Variants in TTC23 observed in about 807,000 individuals in gnomAD.
The protein encoded by TTC23 is tetratricopeptide repeat domain 23, also known as tetratricopeptide repeat protein 23.
TTC23 carries 58 observed loss-of-function variants against 55.1 expected under a neutral mutation model. That is an observed-to-expected ratio of 1.05 (90% CI 0.85 to 1.31). The LOEUF (loss-of-function observed/expected upper bound fraction) is 1.31, where lower values mean the gene tolerates loss of function less well. Among genes scored for constraint, TTC23 ranks in the 50% most tolerant of loss-of-function variants. The pLI is 0.00. For synonymous variants in TTC23, 203 were observed against 199.9 expected, an observed-to-expected ratio of 1.02 and a Z score of -0.13; for missense variants, 516 against 534.4, an observed-to-expected ratio of 0.97 and a Z score of 0.34.
At chr15:99,139,477 G>C (rs782526309) in intron 12 of TTC23, 78 bp from the exon 13 acceptor site, 22 of 1,595,096 alleles carry the variant, frequency 1.4e-5, no homozygotes, top group East Asian at 2.3e-5. Context: ...CCTTGAATGA[G>C]AGAAAGATGA....
chr15:99,196,978 T>C (rs556719892), intron 9 of TTC23, among the ~76,000 whole-genome samples: 2 of 152,336 alleles, frequency 1.3e-5, no homozygotes, highest in East Asian at 1.9e-4. Flanking sequence ...GACCTTACCA[T>C]GTGCTCTGCC....
chr15:99,147,225 CTT>C lies in TTC23; in HGVS notation c.1144-7828_1144-7827del, dbSNP rs58503901. Among the ~76,000 whole-genome samples, 949 of 112,518 alleles carry C rather than the reference CTT, an allele frequency of 8.4e-3. 19 individuals are homozygous for C. The highest frequency in any genetic ancestry group is 0.031 in the African/African-American group (806 of 25,596). The allele number at this position is 112,518 out of a possible 152,430, so 73.8% of individuals were successfully genotyped here. On this transcript the variant is annotated intron_variant, in intron 12 of 13. Transcript: ENST00000394132. Reference sequence around the variant, plus strand: ...CAGCGCTGGGCCTCCAAATTCATTCCTTTTTTTTTTTTTTTTTTGAGACAGAG... The same window carrying C: ...CAGCGCTGGGCCTCCAAATTCATTCCTTTTTTTTTTTTTTTTGAGACAGAG...
intron 9 of TTC23, among the ~76,000 whole-genome samples, chr15:99,180,992 G>A (rs1002907596): frequency 6.6e-5 from 10 of 152,110 alleles, no homozygotes; most frequent in African/African-American, 2.4e-4. Flanking sequence ...CTTCTGCCAG[G>A]TGTGGTACTA....
At chr15:99,193,701 G>A (rs1322043155) in intron 9 of TTC23, among the ~76,000 whole-genome samples, 1 of 150,748 alleles carries the variant, frequency 6.6e-6, no homozygotes. Context: ...CTTTTTTTTT[G>A]AACTTTTGAA....
At chr15:99,161,485 GC>G (rs2071372235) in intron 11 of TTC23, among the ~76,000 whole-genome samples, 1 of 152,192 alleles carries the variant, frequency 6.6e-6, no homozygotes, top group South Asian at 2.1e-4. Flanking sequence ...AATAAGCAGG[GC>G]CTGTCCACTA....
At chr15:99,215,728 C>G (rs2077429113) in intron 8 of TTC23, among the ~76,000 whole-genome samples, 3 of 151,472 alleles carry the variant, frequency 2.0e-5, no homozygotes, top group Non-Finnish European at 4.4e-5. Flanking sequence ...GTCTGGGCAA[C>G]AGAGTGAGAT....
rs1314118778 is a variant in TTC23 at position 99,221,818 on chromosome 15, C to T, written c.227G>A (p.Arg76Lys). ...HELVRCVALTRICYGDSHWKL... is the reference protein window; with the variant it reads ...HELVRCVALTKICYGDSHWKL... ...CCAATGTGAGTCTCCATAGCAAATTCTTGTCAGTGCTACGCAACGCACAAG... is the reference window on the plus strand; with the variant it reads ...CCAATGTGAGTCTCCATAGCAAATTTTTGTCAGTGCTACGCAACGCACAAG... Residue 76 changes from arginine to lysine, a missense_variant, in exon 6 of 14, where the codon AGA (arginine) becomes AAA (lysine). Transcript: ENST00000394132. 6 of 1,614,206 alleles carry T rather than the reference C, an allele frequency of 3.7e-6. No individual in the cohort carries two copies. The highest frequency in any genetic ancestry group is 5.1e-6 in the Non-Finnish European group (6 of 1,180,034).
At chr15:99,179,247 C>G (rs147235332) in intron 9 of TTC23, among the ~76,000 whole-genome samples, 386 of 152,344 alleles carry the variant, frequency 2.5e-3, no homozygotes, top group Middle Eastern at 0.014. Flanking sequence ...TCATCGCCCA[C>G]TCTGTGTTAC....
intron 8 of TTC23, among the ~76,000 whole-genome samples, chr15:99,201,143 C>T (rs930823392): frequency 2.6e-5 from 4 of 152,102 alleles, no homozygotes; most frequent in Non-Finnish European, 4.4e-5. Flanking sequence ...TCCCAAACTT[C>T]TATGAAAATG....
At chr15:99,147,313 C>G (rs2069039319) in intron 12 of TTC23, among the ~76,000 whole-genome samples, 1 of 150,922 alleles carries the variant, frequency 6.6e-6, no homozygotes, top group African/African-American at 2.4e-5. Flanking sequence ...GCAAGCTCCG[C>G]CTCCCAGGTT....
At chr15:99,167,247 C>T (rs957906260) in intron 10 of TTC23, among the ~76,000 whole-genome samples, 1 of 152,206 alleles carries the variant, frequency 6.6e-6, no homozygotes, top group African/African-American at 2.4e-5. Context: ...ACCTTGTGCC[C>T]TGAAACAGGG....
At chr15:99,150,571 T>G (rs1318292) in intron 12 of TTC23, among the ~76,000 whole-genome samples, 101,545 of 151,896 alleles carry the variant, frequency 0.67, 34,185 homozygotes, top group Middle Eastern at 0.74. Flanking sequence ...GCACATTTTT[T>G]GGGGCAATAT....
At chr15:99,225,351 C>A (rs2078306841) in intron 5 of TTC23, among the ~76,000 whole-genome samples, 3 of 152,128 alleles carry the variant, frequency 2.0e-5, no homozygotes, top group African/African-American at 4.8e-5. Flanking sequence ...AAGGCAATTT[C>A]AAAACTGGGA....
chr15:99,224,005 G>A (rs1245256432), intron 5 of TTC23, among the ~76,000 whole-genome samples: 2 of 152,200 alleles, frequency 1.3e-5, no homozygotes, highest in East Asian at 3.9e-4. Context: ...GCCCATCAAT[G>A]TCAAAGCTCA....
chr15:99,192,374 G>A (rs148945975), intron 9 of TTC23, among the ~76,000 whole-genome samples: 606 of 152,264 alleles, frequency 4.0e-3, no homozygotes, highest in Middle Eastern at 0.01. Context: ...GTGGTTTCAC[G>A]GGCTGGGCCC....
chr15:99,193,928 G>A (rs1234930752), intron 9 of TTC23, among the ~76,000 whole-genome samples: 1 of 151,850 alleles, frequency 6.6e-6, no homozygotes, highest in Non-Finnish European at 1.5e-5. Context: ...AGAATTACTT[G>A]AACCTGGGAG....
At chr15:99,174,405 T>G (rs1293823758) in intron 10 of TTC23, among the ~76,000 whole-genome samples, 2 of 151,788 alleles carry the variant, frequency 1.3e-5, no homozygotes, top group Non-Finnish European at 2.9e-5. Context: ...TCTGATATCT[T>G]GGAATACACC....
Position 99,205,545 on chromosome 15 carries a change from T to C in TTC23, c.582-5449A>G, listed in dbSNP as rs73463393. ...TTCTTAACTATTTTATCTTATTTAT[T>C]GCTAGGTTTTTTTTTGTAGCTATTG... On this transcript the variant is annotated intron_variant, in intron 8 of 13. Coordinates refer to ENST00000394132, the MANE Select transcript of TTC23 (RefSeq NM_001288615.3). Among the ~76,000 whole-genome samples the C allele has an allele frequency of 9.8e-3, 1,486 of 152,142 alleles. 26 individuals carry two copies. The highest frequency in any genetic ancestry group is 0.034 in the African/African-American group (1,415 of 41,510).
chr15:99,156,046 C>T, intron 12 of TTC23, 102 bp downstream of exon 12: 1 of 1,525,604 alleles, frequency 6.6e-7, no homozygotes, highest in Non-Finnish European at 9.0e-7. Flanking sequence ...AAACAAGCCA[C>T]TTCTAAAGTT....
Sources: gnomAD v4.1 joint callset for allele counts (sites outside exome capture counted in the v4.1 genomes callset) on GRCh38, gnomAD v4.1.1 for gene constraint, MANE v1.5 for transcripts, NCBI Gene and HGNC (gene_info 2026-07-23, HGNC 2026-07-21) for gene names.